ZNF469: variants seen among roughly 807,000 people sequenced by gnomAD.
ZNF469 encodes the protein zinc finger protein 469.
ZNF469 carries 1 observed loss-of-function variant against 1.0 expected under a neutral mutation model. That is an observed-to-expected ratio of 1.00 (90% confidence interval 0.35 to 4.73). ZNF469 has a LOEUF of 4.73. Ranked by LOEUF, ZNF469 falls within the 30% of genes most tolerant of loss-of-function variation. The pLI is 0.16. For missense variants in ZNF469, 6,100 were observed against 5,356.3 expected (o/e 1.14, Z -4.33); for synonymous variants, 2,703 against 2,363.4 (o/e 1.14, Z -4.17).
the ZNF469 span, among the ~76,000 whole-genome samples, chr16:88,344,738 G>A: frequency 2.0e-5 from 3 of 152,232 alleles, no homozygotes; most frequent in Non-Finnish European, 4.4e-5. Flanking sequence ...GCAGCCGGAA[G>A]GTCCCCCAAA....
chr16:88,363,258 CTGT>C, the ZNF469 span, among the ~76,000 whole-genome samples: 14 of 152,212 alleles, frequency 9.2e-5, no homozygotes, highest in African/African-American at 3.1e-4. Flanking sequence ...GTTTTTGTTG[CTGT>C]TGTTGTTGTT....
chr16:88,366,019 T>G, the ZNF469 span, among the ~76,000 whole-genome samples: 1 of 152,186 alleles, frequency 6.6e-6, no homozygotes, highest in Non-Finnish European at 1.5e-5. Context: ...ATTAAGATAA[T>G]GTAGACAATA....
chr16:88,347,283 C>A, the ZNF469 span, among the ~76,000 whole-genome samples: 1 of 152,192 alleles, frequency 6.6e-6, no homozygotes, highest in African/African-American at 2.4e-5. Flanking sequence ...GCCCCACCCC[C>A]ACACCCGTGC....
chr16:88,232,940 C>G, the ZNF469 span, among the ~76,000 whole-genome samples: 2,360 of 152,364 alleles, frequency 0.015, 57 homozygotes, highest in African/African-American at 0.054. Context: ...CGCCGCCTAG[C>G]AGGCCTGCAT....
chr16:88,272,238 TG>T, the ZNF469 span, among the ~76,000 whole-genome samples: 172 of 122,596 alleles, frequency 1.4e-3, no homozygotes, highest in Non-Finnish European at 2.4e-3. Context: ...AGTAGATGGA[TG>T]GATGAGAAGT....
chr16:88,360,704 T>A, the ZNF469 span, among the ~76,000 whole-genome samples: 65 of 68,940 alleles, frequency 9.4e-4, no homozygotes, highest in Admixed American at 1.8e-3. Flanking sequence ...GCTCCCTCAA[T>A]GGCAGTCCAC....
chr16:88,285,782 C>T, the ZNF469 span, among the ~76,000 whole-genome samples: 1 of 152,340 alleles, frequency 6.6e-6, no homozygotes, highest in East Asian at 1.9e-4. Context: ...TGGCAGGGGC[C>T]ACCATGTTGT....
the ZNF469 span, among the ~76,000 whole-genome samples, chr16:88,260,052 A>C: frequency 3.3e-5 from 5 of 151,878 alleles, no homozygotes. This position sits in a 1 kb window ranked among gnomAD's most constrained non-coding sequence, Gnocchi z 4.1. Context: ...ATCTTGGCTC[A>C]CTGAAACCTC....
Position 88,382,975 on chromosome 16 carries a change from G to A in ZNF469, c.-471G>A, listed in dbSNP as rs1185938050. 1.3e-5 allele frequency among the ~76,000 whole-genome samples: 2 copies of A among 151,850 alleles called. No homozygotes were observed. Among genetic ancestry groups the A allele is most frequent in the African/African-American group, 4.8e-5 (2 of 41,388 alleles). Reference sequence around the variant, plus strand: ...CCGGGGGGCAGACCCCGCGGCCGCCGGCCGGCGTCCGGCCTTCCCAGCACC... The same window carrying A: ...CCGGGGGGCAGACCCCGCGGCCGCCAGCCGGCGTCCGGCCTTCCCAGCACC... On this transcript the variant is annotated 5_prime_UTR_variant, in exon 1 of 3. Transcript: ENST00000565624.
chr16:88,244,449 A>G, the ZNF469 span, among the ~76,000 whole-genome samples: 1 of 148,768 alleles, frequency 6.7e-6, no homozygotes, highest in Non-Finnish European at 1.5e-5. Context: ...GGATAGATGG[A>G]TGGATGGGTG....
Position 88,437,908 on chromosome 16 carries a change from C to G in ZNF469, c.10438C>G (p.Pro3480Ala). ...CAGCAAACGGCGCAGGGTGGCCATGCCCGGCAGTGCCCCTGGGCCCGGCGA... is the reference window on the plus strand; with the variant it reads ...CAGCAAACGGCGCAGGGTGGCCATGGCCGGCAGTGCCCCTGGGCCCGGCGA... The part of the protein sequence containing the change: ...LPSKRRRVAM[P>A]GSAPGPGEDR... The change falls in exon 3 of 3, where the codon CCC (proline) becomes GCC (alanine). Residue 3480 changes from proline to alanine, a missense_variant. Physicochemically the swap from Pro to Ala is conservative, Grantham distance 27. Coordinates refer to ENST00000565624, the MANE Select transcript of ZNF469 (RefSeq NM_001367624.2). 5 of 1,539,684 alleles carry G rather than the reference C, an allele frequency of 3.2e-6. No homozygotes were observed. The highest frequency in any genetic ancestry group is 4.4e-6 in the Non-Finnish European group (5 of 1,140,868).
chr16:88,228,279 C>G, the ZNF469 span, among the ~76,000 whole-genome samples: 1 of 152,232 alleles, frequency 6.6e-6, no homozygotes, highest in Non-Finnish European at 1.5e-5. Context: ...CTCCGAGCAA[C>G]GGGATGAGGG....
intron 1 of ZNF469, among the ~76,000 whole-genome samples, chr16:88,423,925 G>A (rs1015243908): frequency 3.3e-5 from 5 of 152,268 alleles, no homozygotes. Context: ...AAGCTCAGCT[G>A]TGTTCAAGTG....
At chr16:88,240,868 T>A in the ZNF469 span, among the ~76,000 whole-genome samples, 1 of 152,192 alleles carries the variant, frequency 6.6e-6, no homozygotes, top group Admixed American at 6.5e-5. Flanking sequence ...ACCCTCAGTG[T>A]GCCCCAGCCT....
the ZNF469 span, among the ~76,000 whole-genome samples, chr16:88,235,569 C>T: frequency 1.3e-5 from 2 of 152,310 alleles, no homozygotes; most frequent in South Asian, 2.1e-4. Flanking sequence ...AGTAGCGGGA[C>T]GGGAACCAGA....
chr16:88,168,356 C>G, the ZNF469 span, among the ~76,000 whole-genome samples: 4 of 152,086 alleles, frequency 2.6e-5, no homozygotes, highest in African/African-American at 9.7e-5. The surrounding 1 kb of genome is among the most constrained non-coding windows in gnomAD (Gnocchi z 4.3). Flanking sequence ...GTTTTTTTCC[C>G]CACATATTTT....
chr16:88,310,325 C>T, the ZNF469 span, among the ~76,000 whole-genome samples: 1 of 152,138 alleles, frequency 6.6e-6, no homozygotes, highest in African/African-American at 2.4e-5. Flanking sequence ...TTGGCTAAGA[C>T]ACAAGGCAGT....
the ZNF469 span, among the ~76,000 whole-genome samples, chr16:88,298,730 C>T: frequency 6.6e-6 from 1 of 152,198 alleles, no homozygotes; most frequent in Admixed American, 6.5e-5. Context: ...CTCACTGGCT[C>T]TCCAGATCCC....
the ZNF469 span, among the ~76,000 whole-genome samples, chr16:88,227,487 C>T: frequency 7.9e-5 from 12 of 151,334 alleles, no homozygotes; most frequent in African/African-American, 2.7e-4. Context: ...TCCCTGTCTC[C>T]CTGTGTCCCC....
Sources: gnomAD v4.1 joint callset for allele counts (sites outside exome capture counted in the v4.1 genomes callset) on GRCh38, gnomAD v4.1.1 for gene constraint, Gnocchi (gnomAD v3.1) non-coding constraint, MANE v1.5 for transcripts, NCBI Gene and HGNC (gene_info 2026-07-23, HGNC 2026-07-21) for gene names.